The following NEIL3 variants were observed in gnomAD, a reference collection of about 807,000 sequenced individuals.
NEIL3 encodes the protein endonuclease 8-like 3.
In NEIL3, 48 loss-of-function variants were observed where a neutral mutation model predicts 57.5. The observed-to-expected ratio is 0.83, with a 90% CI of 0.66 to 1.06. The LOEUF (loss-of-function observed/expected upper bound fraction) is 1.06. Ranked by LOEUF, NEIL3 falls within the 50% of genes least tolerant of loss-of-function variation. The pLI, the probability that NEIL3 is intolerant of heterozygous loss-of-function variation, is 0.00. For missense variants in NEIL3, 717 were observed against 739.1 expected (o/e 0.97, Z 0.35); for synonymous variants, 261 against 253.2 (o/e 1.03, Z -0.29).
At position 177,353,321 on chromosome 4, in the gene NEIL3, G is replaced by A; in HGVS notation, c.1053G>A (p.Lys351=). The A allele has an allele frequency of 6.2e-7, 1 of 1,612,462 alleles. No homozygotes were observed. The highest frequency in any genetic ancestry group is 8.5e-7 in the Non-Finnish European group (1 of 1,179,490). ...CTCTCCTTCCAGATTCAGTGCTCAAGAGTGAAGAAAATTCTACTGTCTTTA... is the reference window on the plus strand; with the variant it reads ...CTCTCCTTCCAGATTCAGTGCTCAAAAGTGAAGAAAATTCTACTGTCTTTA... ...LTSRPIDSVL[K]SEENSTVFSH... Residue 351 remains lysine, a synonymous_variant, in exon 8 of 10, where the codon AAG becomes AAA. Coordinates refer to ENST00000264596, the MANE Select transcript of NEIL3 (RefSeq NM_018248.3).
intron 6 of NEIL3, among the ~76,000 whole-genome samples, chr4:177,347,323 C>T (rs1479132414): frequency 3.9e-5 from 6 of 152,178 alleles, no homozygotes; most frequent in Non-Finnish European, 1.5e-5. Flanking sequence ...GAGACAGAGG[C>T]AGCCCCTCTG....
At chr4:177,339,009 T>C (rs938024416) in intron 4 of NEIL3, among the ~76,000 whole-genome samples, 5 of 152,222 alleles carry the variant, frequency 3.3e-5, no homozygotes, top group African/African-American at 1.2e-4. Context: ...AGTAATATTA[T>C]CAGTTCAAAA....
In NEIL3 at chr4:177,348,858, A is replaced by ATT. The variant is rs749391559; in HGVS notation, c.870-2496_870-2495dup. Reference sequence around the variant, plus strand: ...AGAATTGCAGATTGGTGGCTCATGAATTTTTTTTTTTTTTTTTTTTTTTTT... The same window carrying ATT: ...AGAATTGCAGATTGGTGGCTCATGAATTTTTTTTTTTTTTTTTTTTTTTTTTT... On this transcript the variant is annotated intron_variant, in intron 6 of 9. Transcript: ENST00000264596. Among the ~76,000 whole-genome samples, 339 of 73,722 alleles carry ATT rather than the reference A, an allele frequency of 4.6e-3. 62 individuals are homozygous for ATT. The highest frequency in any genetic ancestry group is 0.037 in the East Asian group (84 of 2,296). The allele number at this position is 73,722 out of a possible 152,430, so 48.4% of individuals were successfully genotyped here. A position where few individuals can be genotyped will look rare whatever the true frequency, so the allele number is the denominator to read the frequency against.
At chr4:177,358,278 T>C (rs895965818) in intron 8 of NEIL3, among the ~76,000 whole-genome samples, 1 of 152,090 alleles carries the variant, frequency 6.6e-6, no homozygotes, top group African/African-American at 2.4e-5. Context: ...AAGAATAAGA[T>C]CACACGTGGC....
chr4:177,312,261 C>G (rs1463747597), intron 1 of NEIL3, among the ~76,000 whole-genome samples: 4 of 152,264 alleles, frequency 2.6e-5, no homozygotes. Context: ...TAGTAAGGGG[C>G]TAAACCAGGG....
intron 7 of NEIL3, 25 bp from the exon 8 acceptor site, chr4:177,353,283 C>T (rs1002050737): frequency 1.9e-6 from 3 of 1,574,720 alleles, no homozygotes; most frequent in Non-Finnish European, 2.6e-6. Flanking sequence ...GGGACTATTG[C>T]AGAATTACTT....
intron 3 of NEIL3, 128 bp from the exon 4 acceptor site, chr4:177,335,977 TTTG>T: frequency 9.7e-7 from 1 of 1,033,902 alleles, no homozygotes. Context: ...TTGTAAGGTC[TTTG>T]TTGTTTGCAT....
chr4:177,353,954 C>T (rs111465762), intron 8 of NEIL3: 10 of 452,422 alleles, frequency 2.2e-5, no homozygotes, highest in African/African-American at 8.1e-5. Context: ...TCAGTAGAGA[C>T]GGGGTTTCAC....
chr4:177,332,235 T>C (rs1168110003), intron 2 of NEIL3, among the ~76,000 whole-genome samples: 4 of 152,180 alleles, frequency 2.6e-5, no homozygotes, highest in African/African-American at 9.7e-5. Context: ...CTACCTCTTT[T>C]CTGGTGGAAG....
In NEIL3 at chr4:177,354,000, A is replaced by C. The variant is rs1735421544; in HGVS notation, c.1460+272A>C. The C allele has an allele frequency of 1.3e-4, 42 of 320,122 alleles. No individual in the cohort carries two copies. In the South Asian group the frequency reaches 1.7e-3, roughly 13 times the overall value. The allele number at this position is 320,122 out of a possible 1,614,324, so 19.8% of individuals were successfully genotyped here. On this transcript the variant is annotated intron_variant, in intron 8 of 9. Transcript: ENST00000264596. ...AGGCTGGTCTCAATCTCCTGATCTCAAGTTATCTGCCCACCTCCGCCTCTC... is the reference window on the plus strand; with the variant it reads ...AGGCTGGTCTCAATCTCCTGATCTCCAGTTATCTGCCCACCTCCGCCTCTC...
At chr4:177,356,813 G>A (rs1735482752) in intron 8 of NEIL3, among the ~76,000 whole-genome samples, 1 of 152,084 alleles carries the variant, frequency 6.6e-6, no homozygotes, top group Non-Finnish European at 1.5e-5. Context: ...TTTTTAAACA[G>A]TTAAGAATAA....
At chr4:177,352,812 A>G (rs539685347) in intron 7 of NEIL3, among the ~76,000 whole-genome samples, 2 of 150,496 alleles carry the variant, frequency 1.3e-5, no homozygotes, top group South Asian at 4.2e-4. Context: ...CCTGGGCAAC[A>G]GAACAAGACT....
intron 8 of NEIL3, chr4:177,356,868 A>G (rs1409340531): frequency 6.6e-6 from 1 of 152,250 alleles, no homozygotes; most frequent in Non-Finnish European, 1.5e-5. Flanking sequence ...CTGTAAACAC[A>G]GAGCAAAACA....
intron 4 of NEIL3, among the ~76,000 whole-genome samples, chr4:177,338,990 T>C (rs1273338548): frequency 1.3e-5 from 2 of 152,206 alleles, no homozygotes; most frequent in African/African-American, 2.4e-5. Flanking sequence ...ATAGGAATCA[T>C]ATTTTGTCAG....
intron 2 of NEIL3, among the ~76,000 whole-genome samples, chr4:177,324,339 C>T (rs549865405): frequency 2.0e-5 from 3 of 152,108 alleles, no homozygotes; most frequent in Admixed American, 2.0e-4. Context: ...AGCAAAATTG[C>T]CCGCAGAGTT....
chr4:177,358,871 G>A (rs1735543726), intron 8 of NEIL3, among the ~76,000 whole-genome samples: 1 of 152,100 alleles, frequency 6.6e-6, no homozygotes, highest in South Asian at 2.1e-4. Context: ...ATATAAAACT[G>A]TTTTTGTGTC....
chr4:177,314,152 CT>C (rs1363820309), intron 1 of NEIL3, among the ~76,000 whole-genome samples: 1 of 152,072 alleles, frequency 6.6e-6, no homozygotes, highest in Non-Finnish European at 1.5e-5. Context: ...ACTTCCTTAC[CT>C]TCTTAAATGG....
At position 177,353,201 on chromosome 4, in the gene NEIL3, A is replaced by G. The variant is rs544785420; in HGVS notation, c.1040-107A>G. The G allele has an allele frequency of 7.8e-4, 695 of 890,134 alleles. 2 individuals are homozygous for G. The highest frequency in any genetic ancestry group is 1.0e-3 in the Non-Finnish European group (571 of 571,042). The allele number at this position is 890,134 out of a possible 1,614,324, so 55.1% of individuals were successfully genotyped here. A position where few individuals can be genotyped will look rare whatever the true frequency, so the allele number is the denominator to read the frequency against. ...TGTTATTAGTTCTATATATTAGTTC[A>G]CTGTAATAAAGTGAAGTAAATTTTT... On this transcript the variant is annotated intron_variant, in intron 7 of 9. Transcript: ENST00000264596.
At chr4:177,360,077 G>A (rs115178621) in intron 8 of NEIL3, among the ~76,000 whole-genome samples, 4 of 152,188 alleles carry the variant, frequency 2.6e-5, no homozygotes, top group Admixed American at 6.6e-5. Context: ...GTTTGCTACC[G>A]ATGAGAAAAT....
Sources: gnomAD v4.1 joint callset for allele counts (sites outside exome capture counted in the v4.1 genomes callset) on GRCh38, gnomAD v4.1.1 for gene constraint, MANE v1.5 for transcripts, NCBI Gene and HGNC (gene_info 2026-07-23, HGNC 2026-07-21) for gene names.